The following AR variants were observed in gnomAD, a reference collection of about 807,000 sequenced individuals.
AR encodes the protein dihydrotestosterone receptor.
AR carries 8 observed loss-of-function variants against 53.9 expected under a neutral mutation model. The ratio of observed to expected loss-of-function variants is 0.15; its 90% CI spans 0.09 to 0.27. AR has a LOEUF of 0.27. Among genes scored for constraint, AR ranks in the 10% least tolerant of loss-of-function variants. The pLI, the probability that AR is intolerant of heterozygous loss-of-function variation, is 1.00. For synonymous variants in AR, 359 were observed against 316.4 expected, an observed-to-expected ratio of 1.13 and a Z score of -1.43; for missense variants, 639 against 742.5, an observed-to-expected ratio of 0.86 and a Z score of 1.62.
At chrX:67,559,177 A>G (rs780872290) in intron 1 of AR, among the ~76,000 whole-genome samples, 4 of 112,204 alleles carry the variant, frequency 3.6e-5, no homozygotes, top group Non-Finnish European at 7.5e-5. Context: ...CATGGTGAGT[A>G]AGTAGCAGAA....
intron 2 of AR, among the ~76,000 whole-genome samples, chrX:67,673,369 G>GTT (rs2075878148): frequency 1.0e-5 from 1 of 97,595 alleles, no homozygotes; most frequent in Non-Finnish European, 2.1e-5. Context: ...TTCTCTCTCT[G>GTT]TCTCTCTCTC....
At chrX:67,617,337 A>G (rs185219048) in intron 1 of AR, among the ~76,000 whole-genome samples, 1 of 111,644 alleles carries the variant, frequency 9.0e-6, no homozygotes, top group Non-Finnish European at 1.9e-5. Context: ...CTACCTTAAG[A>G]CAGTGAGGGA....
At chrX:67,702,518 G>A (rs1243739414) in intron 3 of AR, among the ~76,000 whole-genome samples, 1 of 112,107 alleles carries the variant, frequency 8.9e-6, no homozygotes, top group Non-Finnish European at 1.9e-5. Context: ...GTTGGCAGTG[G>A]CTATGCATAT....
intron 3 of AR, among the ~76,000 whole-genome samples, chrX:67,692,481 TTTGG>T (rs1014783433): frequency 7.1e-5 from 8 of 111,900 alleles, no homozygotes; most frequent in African/African-American, 2.6e-4. Flanking sequence ...GATTTTTTTG[TTTGG>T]TTGGTTTTTG....
In AR at chrX:67,651,268, C is replaced by T. The variant is rs537919383; in HGVS notation, c.1768+7861C>T. Among the ~76,000 whole-genome samples, 4 of 106,291 alleles carry T rather than the reference C, an allele frequency of 3.8e-5. No individual in the cohort carries two copies. The South Asian group carries it at 1.8e-3, about 47-fold the overall frequency. 92.3% of individuals were successfully genotyped at this position (106,291 alleles called of 115,157 possible). On this transcript the variant is annotated intron_variant, in intron 2 of 7. Transcript: ENST00000374690. ...TTCACCATATTGGCCAGGCTGGTCT[C>T]GAACTCCTGACCTCGTGATCCACCC...
intron 1 of AR, among the ~76,000 whole-genome samples, chrX:67,603,627 A>G (rs1255875851): frequency 8.9e-6 from 1 of 112,091 alleles, no homozygotes; most frequent in Non-Finnish European, 1.9e-5. Context: ...GTAGGAAACA[A>G]GTTTAAAAGT....
At chrX:67,721,780 G>A (rs2076136871) in intron 5 of AR, 53 bp from the exon 6 acceptor site, 2 of 1,203,251 alleles carry the variant, frequency 1.7e-6, no homozygotes, top group Non-Finnish European at 2.2e-6. Context: ...TTCCCTCTGG[G>A]CTTATTGTAA....
intron 1 of AR, among the ~76,000 whole-genome samples, chrX:67,630,815 C>G (rs374124879): frequency 3.6e-5 from 4 of 110,225 alleles, no homozygotes; most frequent in East Asian, 5.7e-4. Context: ...TCCTTCAGGA[C>G]CTCTTTTAGG....
chrX:67,569,385 G>A (rs1198767855), intron 1 of AR, among the ~76,000 whole-genome samples: 1 of 111,509 alleles, frequency 9.0e-6, no homozygotes, highest in Non-Finnish European at 1.9e-5. Context: ...AGGAACAACT[G>A]TGGGTTTCTG....
intron 2 of AR, among the ~76,000 whole-genome samples, chrX:67,675,497 G>C (rs2147483364): frequency 9.0e-6 from 1 of 111,561 alleles, no homozygotes; most frequent in East Asian, 2.9e-4. Context: ...ATTTGCGTCT[G>C]ATTAGGGCTG....
chrX:67,701,670 CCATT>C (rs1244788618), intron 3 of AR, among the ~76,000 whole-genome samples: 5 of 98,137 alleles, frequency 5.1e-5, no homozygotes, highest in East Asian at 3.0e-4. Flanking sequence ...AGTGTACTAA[CCATT>C]CACACACACA....
At chrX:67,643,233 A>G in intron 1 of AR, 23 bp from the exon 2 acceptor site, 2 of 1,210,994 alleles carry the variant, frequency 1.7e-6, no homozygotes, top group Non-Finnish European at 1.1e-6. Context: ...CATGTGTTGC[A>G]TTGGTTTTTT....
At chrX:67,723,353 T>TGTGTGA (rs2076144721) in intron 7 of AR, among the ~76,000 whole-genome samples, 2 of 95,010 alleles carry the variant, frequency 2.1e-5, no homozygotes, top group Non-Finnish European at 4.1e-5. Context: ...TGTGTGTGTG[T>TGTGTGA]CAGAGAGAGA....
At position 67,706,743 on chromosome X, in the gene AR, G is replaced by A. The variant is rs755817268; in HGVS notation, c.1886-4659G>A. On this transcript the variant is annotated intron_variant, in intron 3 of 7. Coordinates refer to ENST00000374690, the MANE Select transcript of AR (RefSeq NM_000044.6). ...TAGTTCTTTTAATTGTGATGTTAGG[G>A]TGTCAATTTTAGATCTTTCCTGCTT... Among the ~76,000 whole-genome samples, 7 of 111,622 alleles carry A rather than the reference G, an allele frequency of 6.3e-5. No homozygotes were observed. In the South Asian group the frequency reaches 2.3e-3, roughly 36 times the overall value.
chrX:67,702,238 T>C (rs753008101), intron 3 of AR, among the ~76,000 whole-genome samples: 2 of 111,687 alleles, frequency 1.8e-5, no homozygotes, highest in South Asian at 7.5e-4. Context: ...AAAAAATTAG[T>C]AGTTACCCTT....
intron 5 of AR, among the ~76,000 whole-genome samples, chrX:67,719,715 C>G (rs1252597920): frequency 8.9e-6 from 1 of 112,273 alleles, no homozygotes; most frequent in Non-Finnish European, 1.9e-5. Flanking sequence ...CCAGCCTACT[C>G]TATACCAAAT....
intron 3 of AR, among the ~76,000 whole-genome samples, chrX:67,709,417 A>G (rs914110292): frequency 1.9e-4 from 21 of 112,249 alleles, no homozygotes; most frequent in East Asian, 1.1e-3. Flanking sequence ...GCGATGCTCC[A>G]TGGGCGTGGG....
chrX:67,632,438 A>T (rs886125173), intron 1 of AR, among the ~76,000 whole-genome samples: 2 of 112,390 alleles, frequency 1.8e-5, no homozygotes, highest in African/African-American at 6.5e-5. Context: ...TTGACTAGGA[A>T]TGGGAACTCC....
chrX:67,686,812 C>A (rs1199744369), intron 3 of AR, among the ~76,000 whole-genome samples: 2 of 111,103 alleles, frequency 1.8e-5, no homozygotes, highest in African/African-American at 6.6e-5. Context: ...CAAGGGCGTT[C>A]CTCTATCATA....
Sources: gnomAD v4.1 joint callset for allele counts (sites outside exome capture counted in the v4.1 genomes callset) on GRCh38, gnomAD v4.1.1 for gene constraint, MANE v1.5 for transcripts, NCBI Gene and HGNC (gene_info 2026-07-23, HGNC 2026-07-21) for gene names.